RAB23: variants seen among roughly 807,000 people sequenced by gnomAD.
RAB23 encodes RAB23, member RAS oncogene family, also known as ras-related protein Rab-23.
A neutral mutation model predicts 30.0 loss-of-function variants in RAB23; 15 were observed. That is an observed-to-expected ratio of 0.50 (90% confidence interval 0.33 to 0.77). RAB23 has a LOEUF of 0.77. Among genes scored for constraint, RAB23 ranks in the 30% least tolerant of loss-of-function variants. RAB23 has a pLI of 0.02. For missense variants in RAB23, 243 were observed against 275.4 expected (o/e 0.88, Z 0.83); for synonymous variants, 93 against 94.0 (o/e 0.99, Z 0.06).
At chr6:57,191,639 G>A (rs576279539) in intron 6 of RAB23, among the ~76,000 whole-genome samples, 5 of 151,832 alleles carry the variant, frequency 3.3e-5, no homozygotes, top group African/African-American at 4.8e-5. Flanking sequence ...TAGTAGAGAC[G>A]GGCTTTCACC....
chr6:57,188,205 T>C lies in RAB23; in HGVS notation c.*2256A>G, dbSNP rs1286265175. On this transcript the variant is annotated 3_prime_UTR_variant, in exon 7 of 7. Transcript: ENST00000468148. ...GGTCTTGGAAAAAAAATGTCAATTTTTGAAGGCTTTAAGAATTGATTAAAT... is the reference window on the plus strand; with the variant it reads ...GGTCTTGGAAAAAAAATGTCAATTTCTGAAGGCTTTAAGAATTGATTAAAT... 1 of 152,188 alleles carries C rather than the reference T, an allele frequency of 6.6e-6. No individual in the cohort carries two copies. Among genetic ancestry groups the C allele is most frequent in the African/African-American group, 2.4e-5 (1 of 41,450 alleles). 9.4% of individuals were successfully genotyped at this position (152,188 alleles called of 1,614,324 possible).
intron 3 of RAB23, among the ~76,000 whole-genome samples, chr6:57,201,774 A>C (rs1430707462): frequency 1.3e-5 from 2 of 152,258 alleles, no homozygotes; most frequent in Non-Finnish European, 2.9e-5. Context: ...CCAAAGTCAC[A>C]GTAAAAAACT....
chr6:57,196,405 T>TTC, intron 4 of RAB23, 45 bp downstream of exon 4: 1 of 1,609,654 alleles, frequency 6.2e-7, no homozygotes, highest in South Asian at 1.1e-5. Context: ...ATGTCTTAAC[T>TTC]TTATAGAATT....
chr6:57,197,263 C>T (rs1765060564), intron 3 of RAB23, among the ~76,000 whole-genome samples: 1 of 152,008 alleles, frequency 6.6e-6, no homozygotes, highest in African/African-American at 2.4e-5. Flanking sequence ...CTTAGTTTTA[C>T]CCTGTTTAAC....
intron 1 of RAB23, among the ~76,000 whole-genome samples, chr6:57,217,213 C>T (rs377089388): frequency 1.4e-3 from 82 of 58,554 alleles, no homozygotes; most frequent in African/African-American, 5.1e-3. Flanking sequence ...ACAAGGAAAG[C>T]AAAAAAAAAA....
intron 1 of RAB23, among the ~76,000 whole-genome samples, chr6:57,214,325 T>C (rs1356609713): frequency 6.6e-6 from 1 of 151,164 alleles, no homozygotes; most frequent in Non-Finnish European, 1.5e-5. Context: ...AGTTTCTTTC[T>C]TTTTTTTTAG....
At chr6:57,191,831 A>T (rs1055530139) in intron 6 of RAB23, among the ~76,000 whole-genome samples, 1 of 151,766 alleles carries the variant, frequency 6.6e-6, no homozygotes, top group African/African-American at 2.4e-5. Context: ...CAGTAACAAC[A>T]GTATTTCTGA....
At chr6:57,198,889 C>T (rs1187981059) in intron 3 of RAB23, among the ~76,000 whole-genome samples, 1 of 151,916 alleles carries the variant, frequency 6.6e-6, no homozygotes, top group Non-Finnish European at 1.5e-5. Context: ...GAGATACGGG[C>T]AGTAAGAATG....
chr6:57,222,269 G>C lies in RAB23; in HGVS notation c.-609C>G, dbSNP rs1347275096. 2 of 152,500 alleles carry C rather than the reference G, an allele frequency of 1.3e-5. No individual in the cohort carries two copies. The highest frequency in any genetic ancestry group is 2.1e-4 in the South Asian group (1 of 4,828). The allele number at this position is 152,500 out of a possible 1,614,324, so 9.4% of individuals were successfully genotyped here. On this transcript the variant is annotated 5_prime_UTR_variant, in exon 1 of 7. Transcript: ENST00000468148. ...GGGGGTGGTGGGGCGCGGGAGTCTC[G>C]ACTCCCCTCATCTGTGGACCCGCCG...
chr6:57,221,421 A>G (rs1766055196), intron 1 of RAB23: 1 of 152,286 alleles, frequency 6.6e-6, no homozygotes, highest in African/African-American at 2.4e-5. Flanking sequence ...GAACAGCACA[A>G]TTTGGCTCAT....
rs1194133313 is a variant in RAB23 at position 57,222,034 on chromosome 6, G to C, written c.-374C>G. ...GAGCCGCTACTCACCGTCCCCCACC[G>C]GCCGCGGACCCGCCGCCCGGCGCCA... On this transcript the variant is annotated 5_prime_UTR_variant, in exon 1 of 7. Transcript: ENST00000468148. 1 of 152,400 alleles carries C rather than the reference G, an allele frequency of 6.6e-6. No homozygotes were observed. Among genetic ancestry groups the C allele is most frequent in the East Asian group, 1.9e-4 (1 of 5,170 alleles). 9.4% of individuals were successfully genotyped at this position (152,400 alleles called of 1,614,324 possible). A position where few individuals can be genotyped will look rare whatever the true frequency, so the allele number is the denominator to read the frequency against.
At chr6:57,190,823 A>C (rs541738118) in intron 6 of RAB23, among the ~76,000 whole-genome samples, 2 of 152,176 alleles carry the variant, frequency 1.3e-5, no homozygotes, top group African/African-American at 4.8e-5. Context: ...GTCCATCTCC[A>C]TAACTCTTTT....
chr6:57,209,262 C>T (rs1051069229), intron 2 of RAB23, among the ~76,000 whole-genome samples: 1 of 152,162 alleles, frequency 6.6e-6, no homozygotes, highest in African/African-American at 2.4e-5. Context: ...CAAATGACCA[C>T]AAATGTACTA....
chr6:57,205,867 A>C (rs1765439289), intron 3 of RAB23, among the ~76,000 whole-genome samples: 1 of 152,222 alleles, frequency 6.6e-6, no homozygotes, highest in Non-Finnish European at 1.5e-5. Context: ...GTTTTCACTG[A>C]CTATTTTCTC....
At position 57,200,563 on chromosome 6, in the gene RAB23, T is replaced by G. The variant is rs147727327; in HGVS notation, c.242-3957A>C. Among the ~76,000 whole-genome samples, 565 of 150,216 alleles carry G rather than the reference T, an allele frequency of 3.8e-3. 20 individuals carry two copies. The highest frequency in any genetic ancestry group is 0.034 in the Admixed American group (510 of 15,004). On this transcript the variant is annotated intron_variant, in intron 3 of 6. Coordinates refer to ENST00000468148, the MANE Select transcript of RAB23 (RefSeq NM_016277.5). ...AAAAAAAAAAAAAAAAAAAAAGAAT[T>G]TTTTTAGAGGAAGTACTGTACTCCA...
intron 1 of RAB23, among the ~76,000 whole-genome samples, chr6:57,215,387 AC>A (rs1243325831): frequency 6.6e-6 from 1 of 152,228 alleles, no homozygotes; most frequent in Non-Finnish European, 1.5e-5. Flanking sequence ...AAAACTAAAG[AC>A]AAAACATTTT....
chr6:57,221,616 A>C (rs1433780321), intron 1 of RAB23, 110 bp downstream of exon 1: 4 of 152,378 alleles, frequency 2.6e-5, no homozygotes, highest in Non-Finnish European at 5.9e-5. Flanking sequence ...CCCCTTCCCC[A>C]GTCGGGACTT....
At chr6:57,219,722 T>G (rs1171097192) in intron 1 of RAB23, among the ~76,000 whole-genome samples, 1 of 152,200 alleles carries the variant, frequency 6.6e-6, no homozygotes, top group East Asian at 1.9e-4. Context: ...GAAGACAGTC[T>G]TTTCAACAAA....
Position 57,190,189 on chromosome 6 carries a change from T to C in RAB23, c.*272A>G. On this transcript the variant is annotated 3_prime_UTR_variant, in exon 7 of 7. Transcript: ENST00000468148. Reference sequence around the variant, plus strand: ...CCAGCATTTAAAATTCCGCAAAACCTGTGTTTGAAATTTCTTATAGCATTC... The same window carrying C: ...CCAGCATTTAAAATTCCGCAAAACCCGTGTTTGAAATTTCTTATAGCATTC... The C allele has an allele frequency of 2.6e-6, 1 of 377,664 alleles. No individual in the cohort carries two copies. Among genetic ancestry groups the C allele is most frequent in the Non-Finnish European group, 4.8e-6 (1 of 206,520 alleles). The allele number at this position is 377,664 out of a possible 1,614,324, so 23.4% of individuals were successfully genotyped here. A position where few individuals can be genotyped will look rare whatever the true frequency, so the allele number is the denominator to read the frequency against.
Sources: allele counts gnomAD v4.1 joint callset (sites outside exome capture counted in the v4.1 genomes callset), GRCh38; gene constraint gnomAD v4.1.1; transcripts MANE v1.5; gene names NCBI Gene and HGNC (gene_info 2026-07-23, HGNC 2026-07-21).